The following VOPP1 variants were observed in gnomAD, a reference collection of about 807,000 sequenced individuals.
VOPP1 encodes VOPP1 WW domain binding protein, also known as WW domain binding protein VOPP1.
Under a neutral mutation model 23.5 loss-of-function variants are expected in VOPP1, and 8 were observed. That is an observed-to-expected ratio of 0.34 (90% CI 0.20 to 0.61). VOPP1 has a LOEUF of 0.61. VOPP1 is among the 20% of genes least tolerant of loss of function. VOPP1 has a pLI of 0.78. For missense variants in VOPP1, 174 were observed against 238.1 expected (o/e 0.73, Z 1.77); for synonymous variants, 83 against 97.3 (o/e 0.85, Z 0.86).
intron 4 of VOPP1, among the ~76,000 whole-genome samples, chr7:55,455,719 A>T (rs188208191): frequency 0.012 from 1,787 of 152,372 alleles, 13 homozygotes; most frequent in Admixed American, 0.021. Flanking sequence ...TCCCTATTTA[A>T]TAAATGGTGT....
intron 4 of VOPP1, among the ~76,000 whole-genome samples, chr7:55,482,056 T>C (rs570630403): frequency 6.6e-6 from 1 of 152,340 alleles, no homozygotes; most frequent in African/African-American, 2.4e-5. Context: ...TTTTACATAC[T>C]TTGAAAATTA....
intron 1 of VOPP1, among the ~76,000 whole-genome samples, chr7:55,554,220 C>A (rs1009918037): frequency 6.6e-5 from 10 of 152,208 alleles, no homozygotes; most frequent in African/African-American, 2.2e-4. Context: ...GTGATGCCTG[C>A]TGCCTCCTTA....
chr7:55,492,528 C>T (rs1176647677), intron 3 of VOPP1, 110 bp from the exon 4 acceptor site: 11 of 1,285,512 alleles, frequency 8.6e-6, no homozygotes, highest in Non-Finnish European at 1.1e-5. Context: ...ACCAATGACT[C>T]CCAAATGCAC....
intron 1 of VOPP1, 103 bp from the exon 2 acceptor site, chr7:55,521,233 C>A: frequency 8.2e-7 from 1 of 1,218,080 alleles, no homozygotes; most frequent in South Asian, 1.4e-5. Flanking sequence ...CACAGCTTAA[C>A]CCATGAAAAG....
rs575941768 is a variant in VOPP1, at chr7:55,506,905, C to T, written c.114-9215G>A. ...CTGCCCACCTCAGCTTCTCAAACTG[C>T]TGGGATCACAGGCACTTTGAGCCAC... On this transcript the variant is annotated intron_variant, in intron 2 of 4. Coordinates refer to ENST00000285279, the MANE Select transcript of VOPP1 (RefSeq NM_030796.5). Among the ~76,000 whole-genome samples the T allele has an allele frequency of 2.6e-5, 4 of 152,374 alleles. No homozygotes were observed. In the South Asian group the frequency reaches 8.3e-4, roughly 32 times the overall value.
At chr7:55,508,200 T>C (rs558662984) in intron 2 of VOPP1, among the ~76,000 whole-genome samples, 44 of 152,146 alleles carry the variant, frequency 2.9e-4, no homozygotes, top group Non-Finnish European at 6.0e-4. Flanking sequence ...AGAGTTAAAG[T>C]GAAGAGGTGA....
At chr7:55,494,396 T>A (rs1314535234) in intron 3 of VOPP1, among the ~76,000 whole-genome samples, 1 of 152,116 alleles carries the variant, frequency 6.6e-6, no homozygotes, top group Admixed American at 6.5e-5. Context: ...GATTGAAAAA[T>A]GCAGAAGGCA....
chr7:55,511,423 T>C (rs1156381712), intron 2 of VOPP1, among the ~76,000 whole-genome samples: 1 of 152,228 alleles, frequency 6.6e-6, no homozygotes, highest in East Asian at 1.9e-4. Flanking sequence ...AGACTATAAA[T>C]AGCCTCATGT....
intron 1 of VOPP1, among the ~76,000 whole-genome samples, chr7:55,569,087 G>A (rs907512705): frequency 2.6e-5 from 4 of 152,196 alleles, no homozygotes; most frequent in Non-Finnish European, 4.4e-5. Flanking sequence ...ATAAAATCAG[G>A]GCCCTCACTG....
At chr7:55,493,445 C>T (rs1201518878) in intron 3 of VOPP1, among the ~76,000 whole-genome samples, 3 of 152,334 alleles carry the variant, frequency 2.0e-5, no homozygotes, top group South Asian at 2.1e-4. Flanking sequence ...TAAGAGCGTA[C>T]GATAAAGCCT....
intron 1 of VOPP1, among the ~76,000 whole-genome samples, chr7:55,560,025 C>T (rs978718258): frequency 6.1e-4 from 93 of 152,286 alleles, no homozygotes; most frequent in Middle Eastern, 3.4e-3. Context: ...TGGTGGCGCA[C>T]GCCTGTAGTC....
chr7:55,568,805 T>G (rs1798250370), intron 1 of VOPP1, among the ~76,000 whole-genome samples: 2 of 152,326 alleles, frequency 1.3e-5, no homozygotes, highest in South Asian at 4.1e-4. Context: ...TTTTTCCTTT[T>G]AGTTTCTAAG....
chr7:55,545,140 C>T (rs1997029), intron 1 of VOPP1, among the ~76,000 whole-genome samples: 146,690 of 152,320 alleles, frequency 0.96, 70,740 homozygotes, highest in East Asian at 1. Flanking sequence ...ATGGGGAAGA[C>T]TGTGTTAAGC....
rs148468445 is a variant in VOPP1 at position 55,520,984 on chromosome 7, C to T, written c.113+88G>A. 142 of 1,424,138 alleles carry T rather than the reference C, an allele frequency of 1.0e-4. No homozygotes were observed. The African/African-American group carries it at 1.8e-3, about 18-fold the overall frequency. 88.2% of individuals were successfully genotyped at this position (1,424,138 alleles called of 1,614,324 possible). A position where few individuals can be genotyped will look rare whatever the true frequency, so the allele number is the denominator to read the frequency against. ...AGAGGCTGGGCCACGCCGGGCTTTC[C>T]CCATCCCACACCCAGAACTTTAGCA... On this transcript the variant is annotated intron_variant, in intron 2 of 4. Transcript: ENST00000285279.
At chr7:55,535,403 C>T (rs1796725885) in intron 1 of VOPP1, among the ~76,000 whole-genome samples, 1 of 152,182 alleles carries the variant, frequency 6.6e-6, no homozygotes, top group Non-Finnish European at 1.5e-5. Flanking sequence ...GGCAGGCTCC[C>T]CCTGGAAACC....
chr7:55,568,059 CCTCT>C (rs1798219110), intron 1 of VOPP1, among the ~76,000 whole-genome samples: 1 of 151,090 alleles, frequency 6.6e-6, no homozygotes, highest in African/African-American at 2.4e-5. Flanking sequence ...ACTTTGCAAC[CCTCT>C]CTAAGAGACA....
intron 1 of VOPP1, among the ~76,000 whole-genome samples, chr7:55,544,032 T>G (rs1797254480): frequency 6.6e-6 from 1 of 152,256 alleles, no homozygotes; most frequent in Non-Finnish European, 1.5e-5. Context: ...TTTAGCATAA[T>G]ACTTTCATAG....
chr7:55,464,674 G>GA (rs1791589196), intron 4 of VOPP1, among the ~76,000 whole-genome samples: 1 of 152,218 alleles, frequency 6.6e-6, no homozygotes, highest in African/African-American at 2.4e-5. Context: ...CCAGTGTTGT[G>GA]ATGCTGCAGC....
At chr7:55,522,843 T>C (rs1444780939) in intron 1 of VOPP1, among the ~76,000 whole-genome samples, 5 of 152,218 alleles carry the variant, frequency 3.3e-5, no homozygotes, top group Admixed American at 6.5e-5. Flanking sequence ...GCAATTCCTC[T>C]TGGTCTAAAG....
Sources: allele counts gnomAD v4.1 joint callset (sites outside exome capture counted in the v4.1 genomes callset), GRCh38; gene constraint gnomAD v4.1.1; transcripts MANE v1.5; gene names NCBI Gene and HGNC (gene_info 2026-07-23, HGNC 2026-07-21).